The following TRAPPC9 variants were observed in gnomAD, a reference collection of about 807,000 sequenced individuals.
TRAPPC9 encodes the protein IKK2 binding protein.
TRAPPC9 carries 83 observed loss-of-function variants against 124.0 expected under a neutral mutation model. The observed-to-expected ratio is 0.67, with a 90% confidence interval of 0.56 to 0.80. The LOEUF (loss-of-function observed/expected upper bound fraction) is 0.80. Among genes scored for constraint, TRAPPC9 ranks in the 30% least tolerant of loss-of-function variants. The probability of loss-of-function intolerance (pLI) is 0.00; values close to 1 mark genes in which losing one functional copy is unlikely to be tolerated. For synonymous variants in TRAPPC9, 638 were observed against 617.5 expected, an observed-to-expected ratio of 1.03 and a Z score of -0.49; for missense variants, 1,302 against 1,508.3, an observed-to-expected ratio of 0.86 and a Z score of 2.27.
At chr8:140,164,468 C>G (rs1296824634) in intron 17 of TRAPPC9, among the ~76,000 whole-genome samples, 1 of 152,240 alleles carries the variant, frequency 6.6e-6, no homozygotes, top group Non-Finnish European at 1.5e-5. Flanking sequence ...CCTCTTCAGG[C>G]TCTTCTGTGA....
At chr8:140,101,545 T>TG (rs1362200632) in intron 17 of TRAPPC9, among the ~76,000 whole-genome samples, 1 of 137,752 alleles carries the variant, frequency 7.3e-6, no homozygotes, top group Non-Finnish European at 1.6e-5. Flanking sequence ...TTTTTTGTTT[T>TG]TTTTTTTTTT....
intron 17 of TRAPPC9, 69 bp downstream of exon 17, chr8:140,221,390 G>A (rs2063334000): frequency 1.2e-6 from 2 of 1,605,404 alleles, no homozygotes; most frequent in Admixed American, 1.7e-5. Flanking sequence ...ACTCAGAGCT[G>A]TGCTTCAGAA....
intron 5 of TRAPPC9, among the ~76,000 whole-genome samples, chr8:140,425,441 TCA>T (rs1477512006): frequency 3.9e-5 from 6 of 152,170 alleles, no homozygotes; most frequent in Non-Finnish European, 7.4e-5. Flanking sequence ...CAGAATCTCC[TCA>T]CTTTTCCTCC....
intron 5 of TRAPPC9, among the ~76,000 whole-genome samples, chr8:140,409,053 T>C (rs959407690): frequency 5.9e-5 from 9 of 152,168 alleles, no homozygotes; most frequent in Middle Eastern, 6.8e-3. Flanking sequence ...GATAATCTGA[T>C]TTAAAAATAT....
intron 15 of TRAPPC9, among the ~76,000 whole-genome samples, chr8:140,266,627 G>A (rs1177661800): frequency 1.3e-5 from 2 of 152,110 alleles, no homozygotes; most frequent in Non-Finnish European, 2.9e-5. Flanking sequence ...GGGAGGCCAA[G>A]GCGGGTGGAT....
At chr8:140,422,527 G>A (rs2070255316) in intron 5 of TRAPPC9, among the ~76,000 whole-genome samples, 3 of 152,266 alleles carry the variant, frequency 2.0e-5, no homozygotes, top group African/African-American at 7.2e-5. Flanking sequence ...GCCGAGGTGG[G>A]CGGATCACCT....
chr8:140,065,771 T>A (rs1407478085), intron 17 of TRAPPC9, among the ~76,000 whole-genome samples: 3 of 152,212 alleles, frequency 2.0e-5, no homozygotes, highest in Admixed American at 2.0e-4. Flanking sequence ...ATGCACCACG[T>A]CACGTAAGAC....
intron 9 of TRAPPC9, among the ~76,000 whole-genome samples, chr8:140,319,891 G>T (rs918118708): frequency 6.6e-6 from 1 of 152,184 alleles, no homozygotes; most frequent in Admixed American, 6.5e-5. Flanking sequence ...ATGGACACTG[G>T]CTTGAAAACC....
rs199233 is a variant in TRAPPC9 at position 139,729,455 on chromosome 8, C to A, written c.*1606G>T. Reference sequence around the variant, plus strand: ...AGAGACCGCCCTGGGGTCTCCACCCCCTACTGCAGCCAGACCTTCTGGGGC... The same window carrying A: ...AGAGACCGCCCTGGGGTCTCCACCCACTACTGCAGCCAGACCTTCTGGGGC... On this transcript the variant is annotated 3_prime_UTR_variant, in exon 23 of 23. Coordinates refer to ENST00000438773, the MANE Select transcript of TRAPPC9 (RefSeq NM_001160372.4). Among the ~76,000 whole-genome samples the A allele has an allele frequency of 0.25, 37,756 of 152,010 alleles. 5,188 individuals are homozygous for A. Among genetic ancestry groups the A allele is most frequent in the African/African-American group, 0.38 (15,553 of 41,382 alleles).
rs116844981 is a variant in TRAPPC9 at position 140,014,121 on chromosome 8, C to T, written c.2699+9816G>A. The stretch of plus-strand genomic sequence containing the variant: ...CACACAGGGAAAGTGACGAAGGCCT[C>T]GGTGGCAGGGTGTCTATCAATAATG... On this transcript the variant is annotated intron_variant, in intron 18 of 22. Coordinates refer to ENST00000438773, the MANE Select transcript of TRAPPC9 (RefSeq NM_001160372.4). Among the ~76,000 whole-genome samples, 196 of 152,300 alleles carry T rather than the reference C, an allele frequency of 1.3e-3. 4 individuals carry two copies. Among genetic ancestry groups the T allele is most frequent in the East Asian group, 8.7e-3 (45 of 5,188 alleles).
At chr8:140,435,053 G>A (rs2070763624) in intron 4 of TRAPPC9, 59 bp downstream of exon 4, 3 of 1,612,602 alleles carry the variant, frequency 1.9e-6, no homozygotes, top group Non-Finnish European at 2.5e-6. Context: ...AGTAACAAAT[G>A]AGTCTGCTTT....
chr8:140,348,586 A>G (rs1297842296), intron 9 of TRAPPC9, among the ~76,000 whole-genome samples: 1 of 152,190 alleles, frequency 6.6e-6, no homozygotes, highest in Non-Finnish European at 1.5e-5. Flanking sequence ...ACAGTACCAA[A>G]AACAACCTGA....
chr8:140,232,536 C>T (rs2063625446), intron 16 of TRAPPC9, among the ~76,000 whole-genome samples: 4 of 152,162 alleles, frequency 2.6e-5, no homozygotes, highest in Admixed American at 2.6e-4. Context: ...TCTTCACTTG[C>T]CCAGAAGCAA....
chr8:139,733,685 G>A lies in TRAPPC9; in HGVS notation c.3056-1483C>T, dbSNP rs371670242. On this transcript the variant is annotated intron_variant, in intron 21 of 22. Transcript: ENST00000438773. ...GATGGTGACACGCATAGGGAGAGCA[G>A]GTGGGCCACAAGAGCACTCCCACCC... Among the ~76,000 whole-genome samples, 47 of 152,352 alleles carry A rather than the reference G, an allele frequency of 3.1e-4. No individual in the cohort carries two copies. In the East Asian group the frequency reaches 6.4e-3, roughly 21 times the overall value.
At chr8:140,235,536 A>G (rs1473794557) in intron 16 of TRAPPC9, among the ~76,000 whole-genome samples, 1 of 152,262 alleles carries the variant, frequency 6.6e-6, no homozygotes, top group Non-Finnish European at 1.5e-5. Flanking sequence ...AGTATATAAC[A>G]GATGTGCAAC....
chr8:140,424,255 C>T (rs151320429), intron 5 of TRAPPC9, among the ~76,000 whole-genome samples: 157 of 150,900 alleles, frequency 1.0e-3, no homozygotes, highest in African/African-American at 3.5e-3. Context: ...CACATGAAAA[C>T]GGAAAAAGCA....
chr8:139,797,978 C>T lies in TRAPPC9; in HGVS notation c.3056-65776G>A, dbSNP rs551819136. Reference sequence around the variant, plus strand: ...CTTTTTCAAGATTATTTTTGCTATTCTGAGTTCCTTGAATTTCCATATGAA... The same window carrying T: ...CTTTTTCAAGATTATTTTTGCTATTTTGAGTTCCTTGAATTTCCATATGAA... On this transcript the variant is annotated intron_variant, in intron 21 of 22. Transcript: ENST00000438773. Among the ~76,000 whole-genome samples, 3 of 152,278 alleles carry T rather than the reference C, an allele frequency of 2.0e-5. No homozygotes were observed. The East Asian group carries it at 5.8e-4, about 29-fold the overall frequency.
At chr8:139,980,224 C>G (rs749391230) in intron 19 of TRAPPC9, among the ~76,000 whole-genome samples, 2 of 152,190 alleles carry the variant, frequency 1.3e-5, no homozygotes, top group African/African-American at 4.8e-5. Flanking sequence ...TCTGCCTAAA[C>G]GGGCCCAGCT....
chr8:140,370,253 C>T (rs1240863495), intron 8 of TRAPPC9, among the ~76,000 whole-genome samples: 1 of 152,028 alleles, frequency 6.6e-6, no homozygotes, highest in Non-Finnish European at 1.5e-5. Context: ...AATTCTCTTG[C>T]CTCAGCCTCC....
Sources: gnomAD v4.1 joint callset for allele counts (sites outside exome capture counted in the v4.1 genomes callset) on GRCh38, gnomAD v4.1.1 for gene constraint, MANE v1.5 for transcripts, NCBI Gene and HGNC (gene_info 2026-07-23, HGNC 2026-07-21) for gene names.